Variants in PIAS2 observed in about 807,000 individuals in gnomAD.
The protein encoded by PIAS2 is protein inhibitor of activated STAT 2.
In PIAS2, 19 loss-of-function variants were observed where a neutral mutation model predicts 69.7. That is an observed-to-expected ratio of 0.27 (90% CI 0.19 to 0.40). The LOEUF is 0.40. PIAS2 is among the 10% of genes least tolerant of loss of function. The probability of loss-of-function intolerance (pLI) is 1.00; values close to 1 mark genes in which losing one functional copy is unlikely to be tolerated. For missense variants in PIAS2, 624 were observed against 757.0 expected, an observed-to-expected ratio of 0.82 and a Z score of 2.06; for synonymous variants, 261 against 263.2, an observed-to-expected ratio of 0.99 and a Z score of 0.08.
chr18:46,911,621 T>C (rs182286316), intron 1 of PIAS2, among the ~76,000 whole-genome samples: 4 of 152,338 alleles, frequency 2.6e-5, no homozygotes, highest in Non-Finnish European at 4.4e-5. Flanking sequence ...CATGTCAACA[T>C]ACATATTTAA....
At chr18:46,855,301 A>C in intron 5 of PIAS2, 44 bp downstream of exon 5, 1 of 1,229,636 alleles carries the variant, frequency 8.1e-7, no homozygotes, top group Non-Finnish European at 1.2e-6. Flanking sequence ...GTCAGTGTTT[A>C]TATTAAACTT....
chr18:46,825,764 G>A (rs1191010917), intron 11 of PIAS2, among the ~76,000 whole-genome samples: 1 of 152,214 alleles, frequency 6.6e-6, no homozygotes, highest in East Asian at 1.9e-4. Context: ...ACTGAAACCT[G>A]ACATTTGAAA....
chr18:46,916,980 T>C (rs545061490), intron 1 of PIAS2: 31 of 986,018 alleles, frequency 3.1e-5, no homozygotes, highest in East Asian at 1.1e-4. Context: ...AGATCAAACG[T>C]TGCTTCCCAC....
intron 3 of PIAS2, 32 bp downstream of exon 3, chr18:46,864,132 C>G (rs2049066783): frequency 1.6e-6 from 2 of 1,254,702 alleles, no homozygotes; most frequent in Non-Finnish European, 2.3e-6. Context: ...AACCAATATT[C>G]ATGAGAAATA....
intron 3 of PIAS2, among the ~76,000 whole-genome samples, chr18:46,855,997 G>GTTTTTTTTTTTTTTTTTT (rs1171297653): frequency 1.5e-5 from 1 of 67,966 alleles, no homozygotes; most frequent in Non-Finnish European, 2.6e-5. Context: ...TTTTTCTTTT[G>GTTTTTTTTTTTTTTTTTT]TTTTTTTTTT....
In PIAS2 at chr18:46,814,102, G is replaced by A. The variant is rs1044334015; in HGVS notation, c.1686+1210C>T. ...GATGCTACAGTGCTGCCATCAACAG[G>A]CTCTGTGCGTTGAATTCTTAGTAGT... On this transcript the variant is annotated intron_variant, in intron 13 of 13. Transcript: ENST00000585916. 2.0e-5 allele frequency among the ~76,000 whole-genome samples: 3 copies of A among 152,112 alleles called. No homozygotes were observed. The South Asian group carries it at 6.2e-4, about 32-fold the overall frequency.
At chr18:46,876,572 A>T (rs999562624) in intron 2 of PIAS2, among the ~76,000 whole-genome samples, 1 of 152,182 alleles carries the variant, frequency 6.6e-6, no homozygotes, top group South Asian at 2.1e-4. Context: ...TTGGAACTCA[A>T]TGTTGTACTT....
chr18:46,904,470 G>C (rs534827223), intron 1 of PIAS2, among the ~76,000 whole-genome samples: 2 of 152,094 alleles, frequency 1.3e-5, no homozygotes, highest in Non-Finnish European at 2.9e-5. Flanking sequence ...AACCTAGAAG[G>C]CCGGGTGCGG....
chr18:46,869,052 A>T (rs1284763787), intron 2 of PIAS2, among the ~76,000 whole-genome samples: 1 of 152,240 alleles, frequency 6.6e-6, no homozygotes, highest in African/African-American at 2.4e-5. Context: ...TTGGAGCTTG[A>T]ATGTGTGTGA....
chr18:46,873,571 A>G (rs2050698771), intron 2 of PIAS2, among the ~76,000 whole-genome samples: 1 of 152,214 alleles, frequency 6.6e-6, no homozygotes, highest in Non-Finnish European at 1.5e-5. Context: ...ATCAGGCTTT[A>G]AAACATTTAC....
chr18:46,825,715 G>A (rs1261823428), intron 11 of PIAS2, among the ~76,000 whole-genome samples: 2 of 152,192 alleles, frequency 1.3e-5, no homozygotes, highest in Non-Finnish European at 1.5e-5. Context: ...TTAATGCTAA[G>A]AACAAACTGA....
rs191147347 is a variant in PIAS2, at chr18:46,868,359, C to G, written c.500-4111G>C. Among the ~76,000 whole-genome samples the G allele has an allele frequency of 6.4e-4, 98 of 152,294 alleles. 1 individual carries two copies. The highest frequency in any genetic ancestry group is 3.4e-3 in the Middle Eastern group (1 of 294). ...CATCTCTTCCTTATTTGGAAAGAGT[C>G]CTCTTTACTCCTGGCTACCCATTCT... On this transcript the variant is annotated intron_variant, in intron 2 of 13. Coordinates refer to ENST00000585916, the MANE Select transcript of PIAS2 (RefSeq NM_004671.5).
At position 46,891,042 on chromosome 18, in the gene PIAS2, T is replaced by C; in HGVS notation, c.37A>G (p.Ser13Gly). ...ACTTGTAGTTCAGAAACCCTAAAAC[T>C]AGAAACCATATTCTAAAAGGAAAGA... Reference protein sequence around the residue: ...DFEELRNMVSSFRVSELQVLL... With the variant: ...DFEELRNMVSGFRVSELQVLL... Residue 13 changes from serine (S) to glycine (G), a missense_variant, in exon 2 of 14, where the codon AGT becomes GGT. Transcript: ENST00000585916. The C allele has an allele frequency of 1.3e-6, 2 of 1,579,466 alleles. No individual in the cohort carries two copies. Among genetic ancestry groups the C allele is most frequent in the East Asian group, 2.2e-5 (1 of 44,510 alleles).
chr18:46,914,558 TC>T lies in PIAS2; in HGVS notation c.24+2763del, dbSNP rs531858958. Reference sequence around the variant, plus strand: ...AGTTGCCTAATCGAATAACCAACCCTCCCCCCCCCAACTCCACCCCCGACAC... The same window carrying T: ...AGTTGCCTAATCGAATAACCAACCCTCCCCCCCCAACTCCACCCCCGACAC... On this transcript the variant is annotated intron_variant, in intron 1 of 13. Transcript: ENST00000585916. Among the ~76,000 whole-genome samples, 43 of 97,172 alleles carry T rather than the reference TC, an allele frequency of 4.4e-4. 1 individual carries two copies. The highest frequency in any genetic ancestry group is 0.01 in the Middle Eastern group (2 of 194). 63.7% of individuals were successfully genotyped at this position (97,172 alleles called of 152,430 possible).
chr18:46,891,102 C>T (rs190755573), intron 1 of PIAS2, 48 bp from the exon 2 acceptor site: 9 of 1,297,760 alleles, frequency 6.9e-6, no homozygotes, highest in Non-Finnish European at 9.7e-6. Flanking sequence ...CTCAAGCATA[C>T]AAAAATCCTA....
At chr18:46,855,088 A>G (rs929016851) in intron 5 of PIAS2, among the ~76,000 whole-genome samples, 2 of 132,502 alleles carry the variant, frequency 1.5e-5, no homozygotes, top group African/African-American at 2.9e-5. Context: ...GGAACACAGT[A>G]GGACCTTGTC....
intron 8 of PIAS2, among the ~76,000 whole-genome samples, chr18:46,838,789 C>G (rs1447466894): frequency 6.6e-6 from 1 of 152,126 alleles, no homozygotes; most frequent in African/African-American, 2.4e-5. Flanking sequence ...GAGGTTAAAA[C>G]CACACACTCA....
At chr18:46,873,646 A>G (rs1041516399) in intron 2 of PIAS2, among the ~76,000 whole-genome samples, 1 of 152,224 alleles carries the variant, frequency 6.6e-6, no homozygotes, top group Non-Finnish European at 1.5e-5. Flanking sequence ...ATACCTTTGG[A>G]AAAATTTGGA....
intron 2 of PIAS2, among the ~76,000 whole-genome samples, chr18:46,879,183 G>A (rs1016560655): frequency 2.6e-5 from 4 of 152,184 alleles, no homozygotes; most frequent in African/African-American, 9.6e-5. Context: ...AAAGGGAGTA[G>A]GGTAGGAGCA....
Sources: allele counts gnomAD v4.1 joint callset (sites outside exome capture counted in the v4.1 genomes callset), GRCh38; gene constraint gnomAD v4.1.1; transcripts MANE v1.5; gene names NCBI Gene and HGNC (gene_info 2026-07-23, HGNC 2026-07-21).